The following CARM1 variants were observed in gnomAD, a reference collection of about 807,000 sequenced individuals.
CARM1 encodes coactivator associated arginine methyltransferase 1.
A neutral mutation model predicts 72.7 loss-of-function variants in CARM1; 14 were observed. The ratio of observed to expected loss-of-function variants is 0.19; its 90% confidence interval spans 0.13 to 0.30. The LOEUF (loss-of-function observed/expected upper bound fraction) is 0.30, where lower values mean the gene tolerates loss of function less well. Ranked by LOEUF, CARM1 falls within the 10% of genes least tolerant of loss-of-function variation. The pLI, the probability that CARM1 is intolerant of heterozygous loss-of-function variation, is 1.00. For missense variants in CARM1, 432 were observed against 833.7 expected, an observed-to-expected ratio of 0.52 and a Z score of 5.93; for synonymous variants, 333 against 345.5, an observed-to-expected ratio of 0.96 and a Z score of 0.40.
intron 3 of CARM1, chr19:10,908,835 C>G (rs2074123729): frequency 2.9e-6 from 1 of 346,802 alleles, no homozygotes; most frequent in African/African-American, 2.2e-5. Context: ...TGTGGCAAAT[C>G]TTGAGTTCTC....
intron 4 of CARM1, among the ~76,000 whole-genome samples, chr19:10,910,989 C>T (rs1164352628): frequency 6.6e-6 from 1 of 152,154 alleles, no homozygotes; most frequent in East Asian, 1.9e-4. Context: ...CTCCTGGGTT[C>T]AAGCGATTTT....
chr19:10,879,931 T>A (rs1161749864), intron 1 of CARM1, among the ~76,000 whole-genome samples: 2 of 152,266 alleles, frequency 1.3e-5, no homozygotes, highest in Admixed American at 1.3e-4. Context: ...GAAATCTTAA[T>A]GGAAGGTGTC....
rs1057459731 is a variant in CARM1, at chr19:10,919,466, G to A, written c.1021-129G>A. 3 of 684,950 alleles carry A rather than the reference G, an allele frequency of 4.4e-6. No homozygotes were observed. The African/African-American group carries it at 5.4e-5, about 12-fold the overall frequency. 42.4% of individuals were successfully genotyped at this position (684,950 alleles called of 1,614,324 possible). ...CCGGTCCCCTCCTCACGGCGTGTCT[G>A]GGAAGAGCAAGCTCGTTTTAGCTGC... On this transcript the variant is annotated intron_variant, in intron 8 of 15. Transcript: ENST00000327064.
intron 1 of CARM1, among the ~76,000 whole-genome samples, chr19:10,894,583 C>T (rs1291615750): frequency 2.6e-5 from 4 of 152,076 alleles, no homozygotes; most frequent in Non-Finnish European, 4.4e-5. Context: ...CCAGGTTTGC[C>T]GAGATAAATA....
intron 1 of CARM1, among the ~76,000 whole-genome samples, chr19:10,888,654 A>G (rs1342033761): frequency 6.6e-6 from 1 of 152,090 alleles, no homozygotes; most frequent in Non-Finnish European, 1.5e-5. Flanking sequence ...CCTACCCTCC[A>G]CAACCCCATG....
In CARM1 at chr19:10,871,984, G is replaced by T; in HGVS notation, c.220+62G>T. ...GCTGCTCACGAGGCCGGCCCGGGGC[G>T]GGGGCCGGCGGGGAGGGGCCCTGAG... On this transcript the variant is annotated intron_variant, in intron 1 of 15. Coordinates refer to ENST00000327064, the MANE Select transcript of CARM1 (RefSeq NM_199141.2). The surrounding 1 kb of genome is among the most constrained non-coding windows in gnomAD (Gnocchi z 5.6). 2.6e-6 allele frequency: 3 copies of T among 1,146,400 alleles called. No individual in the cohort carries two copies. Among genetic ancestry groups the T allele is most frequent in the Non-Finnish European group, 2.2e-6 (2 of 929,448 alleles). 71.0% of individuals were successfully genotyped at this position (1,146,400 alleles called of 1,614,324 possible).
At chr19:10,882,290 C>T (rs909114031) in intron 1 of CARM1, among the ~76,000 whole-genome samples, 2 of 152,168 alleles carry the variant, frequency 1.3e-5, no homozygotes, top group African/African-American at 4.8e-5. Context: ...GATGGGGAGG[C>T]AAGGGACGCC....
chr19:10,910,430 G>A (rs897309297), intron 4 of CARM1, among the ~76,000 whole-genome samples: 173 of 151,392 alleles, frequency 1.1e-3, no homozygotes, highest in Admixed American at 2.0e-3. Flanking sequence ...GCAGTGAGCC[G>A]AGATTGTGCC....
chr19:10,914,098 C>T, intron 6 of CARM1, 44 bp downstream of exon 6: 1 of 1,550,792 alleles, frequency 6.4e-7, no homozygotes. Context: ...CGGTGGAGGC[C>T]CTGGCTGCCG....
Position 10,916,600 on chromosome 19 carries a change from G to A in CARM1, c.939-96G>A. ...GCACTCCTCTTTTTCTGAAAGACTT[G>A]GGCTAGATGAGGGCTGACTGGGAGA... On this transcript the variant is annotated intron_variant, in intron 7 of 15. Transcript: ENST00000327064. The surrounding 1 kb of genome is among the most constrained non-coding windows in gnomAD (Gnocchi z 4.4). The A allele has an allele frequency of 7.2e-7, 1 of 1,386,796 alleles. No individual in the cohort carries two copies. Among genetic ancestry groups the A allele is most frequent in the South Asian group, 1.2e-5 (1 of 81,866 alleles). The allele number at this position is 1,386,796 out of a possible 1,614,324, so 85.9% of individuals were successfully genotyped here.
chr19:10,910,283 C>T (rs576594294), intron 4 of CARM1, among the ~76,000 whole-genome samples: 2 of 152,136 alleles, frequency 1.3e-5, no homozygotes, highest in Non-Finnish European at 2.9e-5. Flanking sequence ...TCGAGACCAC[C>T]CTGGCCAACA....
chr19:10,898,030 C>G (rs1011646198), intron 1 of CARM1, among the ~76,000 whole-genome samples: 44 of 152,118 alleles, frequency 2.9e-4, no homozygotes, highest in African/African-American at 1.1e-3. Context: ...TGGCGTGAAC[C>G]CCAGGGAGTG....
In CARM1 at chr19:10,871,627, CGGCGGCGGCG is replaced by C; in HGVS notation, c.-74_-65del. 1 of 173,392 alleles carries C rather than the reference CGGCGGCGGCG, an allele frequency of 5.8e-6. No homozygotes were observed. Among genetic ancestry groups the C allele is most frequent in the Non-Finnish European group, 9.2e-6 (1 of 108,300 alleles). 10.7% of individuals were successfully genotyped at this position (173,392 alleles called of 1,614,324 possible). A position where few individuals can be genotyped will look rare whatever the true frequency, so the allele number is the denominator to read the frequency against. ...GCGGCGGCGGCGGCGGCGGCGGCGG[CGGCGGCGGCG>C]GCAGCGGCGGCGGCCTGGGCCCGGG... On this transcript the variant is annotated 5_prime_UTR_variant, in exon 1 of 16. Transcript: ENST00000327064. The surrounding 1 kb of genome is among the most constrained non-coding windows in gnomAD (Gnocchi z 5.6).
chr19:10,883,325 G>A (rs2073915952), intron 1 of CARM1, among the ~76,000 whole-genome samples: 1 of 152,056 alleles, frequency 6.6e-6, no homozygotes, highest in South Asian at 2.1e-4. Flanking sequence ...AGTAGCCCTG[G>A]GAATCCTGCC....
At position 10,920,523 on chromosome 19, in the gene CARM1, C is replaced by T. The variant is rs773107331; in HGVS notation, c.1284C>T (p.Ala428=). The change falls in exon 11 of 16, where the codon GCC becomes GCT. Residue 428 remains alanine, a synonymous_variant. Transcript: ENST00000327064. This position sits in a 1 kb window ranked among gnomAD's most constrained non-coding sequence, Gnocchi z 5.3. ...VRCLFQSPLF[A]KAGDTLSGTC... ...GCCTGTTCCAGTCACCACTGTTCGC[C>T]AAGGCAGGGGACACGCTCTCAGGGA... The T allele has an allele frequency of 6.2e-7, 1 of 1,613,960 alleles. No individual in the cohort carries two copies. Among genetic ancestry groups the T allele is most frequent in the South Asian group, 1.1e-5 (1 of 91,076 alleles).
Position 10,920,313 on chromosome 19 carries a change from TC to T in CARM1, c.1197-121del. 8.5e-7 allele frequency: 1 copy of T among 1,183,102 alleles called. No homozygotes were observed. The highest frequency in any genetic ancestry group is 1.2e-6 in the Non-Finnish European group (1 of 851,844). 73.3% of individuals were successfully genotyped at this position (1,183,102 alleles called of 1,614,324 possible). ...TGCCTGGGGGCCAGCCTGTCTCTGCTCCAGGGTCCCAGGGGTCCCTGGCAGA... is the reference window on the plus strand; with the variant it reads ...TGCCTGGGGGCCAGCCTGTCTCTGCTCAGGGTCCCAGGGGTCCCTGGCAGA... On this transcript the variant is annotated intron_variant, in intron 10 of 15. Coordinates refer to ENST00000327064, the MANE Select transcript of CARM1 (RefSeq NM_199141.2). This position sits in a 1 kb window ranked among gnomAD's most constrained non-coding sequence, Gnocchi z 5.3.
chr19:10,919,450 T>G lies in CARM1; in HGVS notation c.1021-145T>G, dbSNP rs2145245703. ...CCTCGGTGGCGTTGTGCCGGTCCCC[T>G]CCTCACGGCGTGTCTGGGAAGAGCA... On this transcript the variant is annotated intron_variant, in intron 8 of 15. Coordinates refer to ENST00000327064, the MANE Select transcript of CARM1 (RefSeq NM_199141.2). The G allele has an allele frequency of 1.1e-5, 7 of 636,616 alleles. 1 individual carries two copies. In the South Asian group the frequency reaches 1.3e-4, roughly 12 times the overall value. 39.4% of individuals were successfully genotyped at this position (636,616 alleles called of 1,614,324 possible).
In CARM1 at chr19:10,875,626, G is replaced by A. The variant is rs532559585; in HGVS notation, c.220+3704G>A. Among the ~76,000 whole-genome samples the A allele has an allele frequency of 2.9e-3, 444 of 152,104 alleles. 1 individual carries two copies. Among genetic ancestry groups the A allele is most frequent in the South Asian group, 0.016 (76 of 4,820 alleles). ...TTTTTAGTAGAGACGGGGTTTCACC[G>A]TGTTAGCCAGGATGGTCTCCATCTC... On this transcript the variant is annotated intron_variant, in intron 1 of 15. Transcript: ENST00000327064.
chr19:10,877,758 C>T (rs751648766), intron 1 of CARM1, among the ~76,000 whole-genome samples: 1 of 152,104 alleles, frequency 6.6e-6, no homozygotes, highest in Non-Finnish European at 1.5e-5. Context: ...GATGGAATCT[C>T]GCTCTGTTGC....
Sources: gnomAD v4.1 joint callset for allele counts (sites outside exome capture counted in the v4.1 genomes callset) on GRCh38, gnomAD v4.1.1 for gene constraint, Gnocchi (gnomAD v3.1) non-coding constraint, MANE v1.5 for transcripts, NCBI Gene and HGNC (gene_info 2026-07-23, HGNC 2026-07-21) for gene names.